Variants in MTF2 observed in about 807,000 individuals in gnomAD.
MTF2 encodes metal response element binding transcription factor 2.
A neutral mutation model predicts 79.5 loss-of-function variants in MTF2; 11 were observed. The ratio of observed to expected loss-of-function variants is 0.14; its 90% CI spans 0.09 to 0.23. The LOEUF is 0.23. Among genes scored for constraint, MTF2 ranks in the 10% least tolerant of loss-of-function variants. The pLI is 1.00. For synonymous variants in MTF2, 208 were observed against 232.8 expected, an observed-to-expected ratio of 0.89 and a Z score of 0.97; for missense variants, 486 against 711.2, an observed-to-expected ratio of 0.68 and a Z score of 3.60.
chr1:93,080,989 G>T (rs1654580669), intron 1 of MTF2: 1 of 152,030 alleles, frequency 6.6e-6, no homozygotes. Context: ...AAATGTATTT[G>T]AATTCACATT....
chr1:93,100,488 G>A (rs1428532250), intron 1 of MTF2, among the ~76,000 whole-genome samples: 1 of 152,052 alleles, frequency 6.6e-6, no homozygotes, highest in African/African-American at 2.4e-5. Context: ...AGTATTTTTA[G>A]TAGAGACGGA....
intron 3 of MTF2, among the ~76,000 whole-genome samples, chr1:93,111,420 AC>A (rs1656023912): frequency 6.6e-6 from 1 of 152,168 alleles, no homozygotes. Context: ...TAAAGGGTAG[AC>A]ACCTTGCCAA....
chr1:93,113,548 T>A (rs1247930077), intron 3 of MTF2, among the ~76,000 whole-genome samples: 1 of 152,174 alleles, frequency 6.6e-6, no homozygotes. Context: ...TAAATTGGGT[T>A]ATTTCCACTA....
chr1:93,106,860 T>C (rs1392060205), intron 1 of MTF2, among the ~76,000 whole-genome samples: 1 of 152,208 alleles, frequency 6.6e-6, no homozygotes, highest in East Asian at 1.9e-4. Context: ...AATAGAGTTA[T>C]TCCCATACTG....
chr1:93,119,313 CTTTTTT>C lies in MTF2; in HGVS notation c.729-11_729-6del. On this transcript the variant is annotated splice_polypyrimidine_tract_variant and intron_variant, in intron 7 of 14. Coordinates refer to ENST00000370298, the MANE Select transcript of MTF2 (RefSeq NM_007358.4). The stretch of plus-strand genomic sequence containing the variant: ...CTGATGACTCAGTATAAAACTTTTT[CTTTTTT>C]TTTTTTTTCTTAGATTTTATACGTT... 1 of 1,295,020 alleles carries C rather than the reference CTTTTTT, an allele frequency of 7.7e-7. No homozygotes were observed. The highest frequency in any genetic ancestry group is 1.0e-6 in the Non-Finnish European group (1 of 955,904). 80.2% of individuals were successfully genotyped at this position (1,295,020 alleles called of 1,614,324 possible).
chr1:93,121,272 A>C (rs1378895677), intron 9 of MTF2: 2 of 924,292 alleles, frequency 2.2e-6, no homozygotes, highest in African/African-American at 3.6e-5. Context: ...TGTGTTCATT[A>C]AAGAAAATTT....
At chr1:93,115,745 G>T in intron 6 of MTF2, 127 bp downstream of exon 6, 1 of 629,390 alleles carries the variant, frequency 1.6e-6, no homozygotes, top group Non-Finnish European at 2.4e-6. Context: ...AAAACCAGGG[G>T]GAAAATCTAT....
intron 1 of MTF2, among the ~76,000 whole-genome samples, chr1:93,095,530 G>A (rs1459696013): frequency 6.6e-6 from 1 of 151,902 alleles, no homozygotes. Context: ...TAGTAGAGAC[G>A]GGATTTCACC....
intron 1 of MTF2, among the ~76,000 whole-genome samples, chr1:93,100,011 G>T (rs1655460449): frequency 6.6e-6 from 1 of 152,190 alleles, no homozygotes. Flanking sequence ...TAGAGGATGA[G>T]AGGTAGGAAA....
In MTF2 at chr1:93,138,736, C is replaced by G. The variant is rs1296863712; in HGVS notation, c.*1709C>G. 1.3e-5 allele frequency: 2 copies of G among 152,212 alleles called. No homozygotes were observed. Among genetic ancestry groups the G allele is most frequent in the Admixed American group, 6.5e-5 (1 of 15,280 alleles). The allele number at this position is 152,212 out of a possible 1,614,324, so 9.4% of individuals were successfully genotyped here. On this transcript the variant is annotated 3_prime_UTR_variant, in exon 15 of 15. Transcript: ENST00000370298. The stretch of plus-strand genomic sequence containing the variant: ...TGCAGCTGCAATATTTTGAATAACA[C>G]ACAGAGTTTGTGTTGATTTTTGAAT...
intron 3 of MTF2, among the ~76,000 whole-genome samples, chr1:93,113,641 T>G (rs75296876): frequency 6.6e-6 from 1 of 152,088 alleles, no homozygotes; most frequent in Non-Finnish European, 1.5e-5. Flanking sequence ...GAAAAATGCT[T>G]TTGATAGAAG....
At position 93,133,758 on chromosome 1, in the gene MTF2, C is replaced by G; in HGVS notation, c.1216C>G (p.Pro406Ala). 6.2e-7 allele frequency: 1 copy of G among 1,612,650 alleles called. No individual in the cohort carries two copies. The highest frequency in any genetic ancestry group is 8.5e-7 in the Non-Finnish European group (1 of 1,179,518). The change falls in exon 12 of 15, where the codon CCT (proline) becomes GCT (alanine). Residue 406 changes from proline to alanine, a missense_variant. Transcript: ENST00000370298. ...AAAGAAAAAATCTGTAGGTCGTCCA[C>G]CTGGCCCATATACAAGAAAAATGAT... Reference protein sequence around the residue: ...KGKKKSVGRPPGPYTRKMIQK... With the variant: ...KGKKKSVGRPAGPYTRKMIQK...
chr1:93,120,474 T>A, intron 8 of MTF2, 75 bp from the exon 9 acceptor site: 1 of 1,380,428 alleles, frequency 7.2e-7, no homozygotes. Flanking sequence ...TAATTACTGT[T>A]TTATAAGGAA....
intron 1 of MTF2, among the ~76,000 whole-genome samples, chr1:93,099,719 T>C (rs1655448447): frequency 6.6e-6 from 1 of 152,044 alleles, no homozygotes; most frequent in African/African-American, 2.4e-5. Flanking sequence ...ACTTCCAAGA[T>C]GACAAGAGCA....
intron 10 of MTF2, among the ~76,000 whole-genome samples, chr1:93,127,577 A>G (rs979342615): frequency 1.3e-5 from 2 of 152,166 alleles, no homozygotes; most frequent in African/African-American, 4.8e-5. Flanking sequence ...TTCAGTAATA[A>G]CTTCCTTCTA....
At chr1:93,098,811 C>T (rs1655405294) in intron 1 of MTF2, among the ~76,000 whole-genome samples, 1 of 152,074 alleles carries the variant, frequency 6.6e-6, no homozygotes, top group South Asian at 2.1e-4. Context: ...ATACTTAATA[C>T]CTACTGTAAT....
chr1:93,098,547 C>A (rs1655394031), intron 1 of MTF2, among the ~76,000 whole-genome samples: 1 of 152,174 alleles, frequency 6.6e-6, no homozygotes, highest in African/African-American at 2.4e-5. Flanking sequence ...TTTTCCTTAA[C>A]TCTCATTGGA....
chr1:93,094,571 T>C (rs1167254913), intron 1 of MTF2, among the ~76,000 whole-genome samples: 2 of 152,236 alleles, frequency 1.3e-5, no homozygotes, highest in South Asian at 2.1e-4. Flanking sequence ...TCATTTGTCA[T>C]GTGCATTTCC....
chr1:93,086,845 G>A (rs1453458297), intron 1 of MTF2, among the ~76,000 whole-genome samples: 4 of 152,142 alleles, frequency 2.6e-5, no homozygotes, highest in Non-Finnish European at 4.4e-5. Context: ...TCAAAATTGG[G>A]CAGACAGCTA....
Sources: gnomAD v4.1 joint callset for allele counts (sites outside exome capture counted in the v4.1 genomes callset) on GRCh38, gnomAD v4.1.1 for gene constraint, MANE v1.5 for transcripts, NCBI Gene and HGNC (gene_info 2026-07-23, HGNC 2026-07-21) for gene names.